SYTL2: variants seen among roughly 807,000 people sequenced by gnomAD.
SYTL2 encodes the protein synaptotagmin-like protein 2.
Under a neutral mutation model 198.7 loss-of-function variants are expected in SYTL2, and 165 were observed. The observed-to-expected ratio is 0.83, with a 90% CI of 0.73 to 0.94. SYTL2 has a LOEUF of 0.94. SYTL2 is among the 40% of genes least tolerant of loss of function. The pLI, the probability that SYTL2 is intolerant of heterozygous loss-of-function variation, is 0.00. For synonymous variants in SYTL2, 966 were observed against 917.7 expected, an observed-to-expected ratio of 1.05 and a Z score of -0.95; for missense variants, 2,835 against 2,582.8, an observed-to-expected ratio of 1.10 and a Z score of -2.12.
At chr11:85,760,812 A>G (rs868663637) in intron 1 of SYTL2, among the ~76,000 whole-genome samples, 4 of 152,150 alleles carry the variant, frequency 2.6e-5, no homozygotes, top group Admixed American at 1.3e-4. Flanking sequence ...TTTCTCCCTT[A>G]AAATAGGCTG....
At chr11:85,750,697 T>C (rs948581363) in intron 2 of SYTL2, among the ~76,000 whole-genome samples, 1 of 152,008 alleles carries the variant, frequency 6.6e-6, no homozygotes, top group African/African-American at 2.4e-5. Flanking sequence ...AAAGAACAAA[T>C]AAACGCTCAG....
the SYTL2 span, among the ~76,000 whole-genome samples, chr11:85,840,255 G>A: frequency 1.3e-5 from 2 of 152,002 alleles, no homozygotes; most frequent in African/African-American, 4.8e-5. Flanking sequence ...TCACTTTATT[G>A]ATTGTATTCT....
intron 5 of SYTL2, 22 bp from the exon 6 acceptor site, chr11:85,736,637 T>A: frequency 7.6e-7 from 1 of 1,311,972 alleles, no homozygotes; most frequent in South Asian, 1.2e-5. Context: ...TATTGTTTAT[T>A]AAACTTATTT....
rs2083253194 is a variant in SYTL2 at position 85,695,262 on chromosome 11, G to T, written c.6653C>A (p.Ser2218Tyr). Reference protein sequence around the residue: ...EVALWEKMVNSPNTWIEATLP... With the variant: ...EVALWEKMVNYPNTWIEATLP... ...TGTTGCTTCAATCCAAGTATTGGGG[G>T]AGTTTACCATCTTCTCCCAGAGAGC... is the stretch of plus-strand genomic sequence containing the variant. Residue 2218 changes from serine to tyrosine, a missense_variant, in exon 20 of 20, where the codon TCC becomes TAC. This residue lies in a region of SYTL2 where 185 missense variants were observed against 182.1 expected (regional missense o/e 1.02). Transcript: ENST00000359152. The T allele has an allele frequency of 6.2e-7, 1 of 1,612,844 alleles. No individual in the cohort carries two copies. The highest frequency in any genetic ancestry group is 8.5e-7 in the Non-Finnish European group (1 of 1,179,094).
chr11:85,791,825 C>T (rs1479182327), intron 1 of SYTL2, among the ~76,000 whole-genome samples: 2 of 152,084 alleles, frequency 1.3e-5, no homozygotes, highest in Non-Finnish European at 2.9e-5. Flanking sequence ...GAAGGGAATA[C>T]ATGCAGCAAA....
At chr11:85,810,748 T>TGAAA (rs2093021416) in intron 1 of SYTL2, among the ~76,000 whole-genome samples, 1 of 152,188 alleles carries the variant, frequency 6.6e-6, no homozygotes, top group Non-Finnish European at 1.5e-5. Flanking sequence ...CGGAGGTGGC[T>TGAAA]CTGGAGTAGG....
chr11:85,788,989 G>C (rs1373831633), intron 1 of SYTL2, among the ~76,000 whole-genome samples: 1 of 151,200 alleles, frequency 6.6e-6, no homozygotes, highest in Non-Finnish European at 1.5e-5. Context: ...ACAAGCAGAA[G>C]AATATGAAAT....
At position 85,737,572 on chromosome 11, in the gene SYTL2, T is replaced by TA. The variant is rs760313719; in HGVS notation, c.471+2dup. ...AGATTTTCAAAATCTGGGCTCAGTC[T>TA]ACCTTCTCTGGAGACACATTTGGTT... On this transcript the variant is annotated splice_region_variant and intron_variant, in intron 5 of 19. Transcript: ENST00000359152. The TA allele has an allele frequency of 1.2e-6, 2 of 1,612,134 alleles. No homozygotes were observed. The highest frequency in any genetic ancestry group is 1.7e-6 in the Non-Finnish European group (2 of 1,178,486).
chr11:85,849,559 CTTGT>C, the SYTL2 span, among the ~76,000 whole-genome samples: 1 of 151,994 alleles, frequency 6.6e-6, no homozygotes, highest in African/African-American at 2.4e-5. Flanking sequence ...TTCCCCATTG[CTTGT>C]TTTTCTCAGG....
chr11:85,711,169 T>C lies in SYTL2; in HGVS notation c.5689A>G (p.Ser1897Gly), dbSNP rs2086210282. 6.2e-7 allele frequency: 1 copy of C among 1,613,990 alleles called. No individual in the cohort carries two copies. The change falls in exon 13 of 20, where the codon AGC becomes GGC. Residue 1897 changes from serine to glycine, a missense_variant. Coordinates refer to ENST00000359152, the MANE Select transcript of SYTL2 (RefSeq NM_206927.4). Reference protein sequence around the residue: ...SSYQLSRHKKSPSSLTNLSSS... With the variant: ...SSYQLSRHKKGPSSLTNLSSS... ...CTAAGATTGGTTAAAGAGCTCGGGCTCTTCTTGTGTCTGCTGAGCTGGTAA... is the reference window on the plus strand; with the variant it reads ...CTAAGATTGGTTAAAGAGCTCGGGCCCTTCTTGTGTCTGCTGAGCTGGTAA...
chr11:85,726,944 C>T lies in SYTL2; in HGVS notation c.2414G>A (p.Gly805Asp), dbSNP rs1157396595. The T allele has an allele frequency of 2.0e-6, 3 of 1,536,610 alleles. No homozygotes were observed. The highest frequency in any genetic ancestry group is 2.4e-5 in the South Asian group (2 of 84,008). Residue 805 changes from glycine to aspartate, a missense_variant, in exon 8 of 20, where the codon GGT becomes GAT. By Grantham distance (94) the Gly-to-Asp change is moderately conservative. Coordinates refer to ENST00000359152, the MANE Select transcript of SYTL2 (RefSeq NM_206927.4). ...GGGTTTTTCATGAGTTATCTTAGCACCAGCTTTCTCTCCTTCCCAAAAGGA... is the reference window on the plus strand; with the variant it reads ...GGGTTTTTCATGAGTTATCTTAGCATCAGCTTTCTCTCCTTCCCAAAAGGA... ...RISFWEGEKA[G>D]AKITHEKPTS...
In SYTL2 at chr11:85,745,701, G is replaced by A; in HGVS notation, c.325C>T (p.Leu109Phe). Residue 109 changes from leucine to phenylalanine, a missense_variant, in exon 4 of 20, where the codon CTT (leucine) becomes TTT (phenylalanine). By Grantham distance (22) the Leu-to-Phe change is conservative. Transcript: ENST00000359152. Reference sequence around the variant, plus strand: ...ACAACGCCAGCCAGCTCTGGAGGAAGGAAAGCATCTTTGTTGACATTATTC... The same window carrying A: ...ACAACGCCAGCCAGCTCTGGAGGAAAGAAAGCATCTTTGTTGACATTATTC... ...WVNNVNKDAF[L>F]PPELAGVVEE... 1 of 1,613,850 alleles carries A rather than the reference G, an allele frequency of 6.2e-7. No individual in the cohort carries two copies. The highest frequency in any genetic ancestry group is 8.5e-7 in the Non-Finnish European group (1 of 1,179,792).
chr11:85,758,234 TTCAGCCAGC>T (rs2091970369), intron 1 of SYTL2, 120 bp from the exon 2 acceptor site: 1 of 152,702 alleles, frequency 6.5e-6, no homozygotes, highest in Admixed American at 6.5e-5. Flanking sequence ...AGGAAACCAG[TTCAGCCAGC>T]TTCCTGAGCA....
At chr11:85,818,036 A>G in the SYTL2 span, among the ~76,000 whole-genome samples, 1 of 150,634 alleles carries the variant, frequency 6.6e-6, no homozygotes, top group African/African-American at 2.4e-5. Context: ...CCAAGTAGTT[A>G]GAATCACAGG....
intron 8 of SYTL2, 38 bp from the exon 9 acceptor site, chr11:85,720,997 C>CA (rs199548160): frequency 0.046 from 41,549 of 904,884 alleles, 492 homozygotes; most frequent in African/African-American, 0.17. Flanking sequence ...TGCACAATAC[C>CA]AAAAAAAAAA....
chr11:85,749,266 C>T (rs755539126), intron 2 of SYTL2, among the ~76,000 whole-genome samples: 4 of 152,168 alleles, frequency 2.6e-5, no homozygotes, highest in Non-Finnish European at 4.4e-5. Flanking sequence ...ATCACAAAAT[C>T]TCTCTTGTTT....
upstream of SYTL2, among the ~76,000 whole-genome samples, chr11:85,811,336 C>T (rs367912326): frequency 1.3e-5 from 2 of 152,162 alleles, no homozygotes; most frequent in South Asian, 2.1e-4. Context: ...TCGCCCTCCG[C>T]CCCCGCCTGC....
intron 1 of SYTL2, among the ~76,000 whole-genome samples, chr11:85,796,917 T>C (rs1010477172): frequency 6.6e-6 from 1 of 152,210 alleles, no homozygotes; most frequent in East Asian, 1.9e-4. Flanking sequence ...AGGATTGAAT[T>C]TGGGCTCACG....
chr11:85,711,139 A>T lies in SYTL2; in HGVS notation c.5719T>A (p.Ser1907Thr). The T allele has an allele frequency of 4.3e-6, 7 of 1,614,086 alleles. No individual in the cohort carries two copies. Among genetic ancestry groups the T allele is most frequent in the Non-Finnish European group, 5.9e-6 (7 of 1,179,976 alleles). Residue 1907 changes from serine (S) to threonine (T), a missense_variant, in exon 13 of 20, where the codon TCC becomes ACC. Ser to Thr is a moderately conservative substitution (Grantham distance 58). This residue lies in a region of SYTL2 where 2,645 missense variants were observed against 2,381.7 expected (regional missense o/e 1.11). Transcript: ENST00000359152. ...SPSSLTNLSS[S>T]SGMTSLSSVS... Reference sequence around the variant, plus strand: ...GAAGACAAGGACGTCATGCCAGAGGAGCTGCTAAGATTGGTTAAAGAGCTC... The same window carrying T: ...GAAGACAAGGACGTCATGCCAGAGGTGCTGCTAAGATTGGTTAAAGAGCTC...
Sources: allele counts gnomAD v4.1 joint callset (sites outside exome capture counted in the v4.1 genomes callset), GRCh38; gene constraint gnomAD v4.1.1; regional missense constraint gnomAD v4.1.1; transcripts MANE v1.5; gene names NCBI Gene and HGNC (gene_info 2026-07-23, HGNC 2026-07-21).